CCDC60: variants seen among roughly 807,000 people sequenced by gnomAD.
CCDC60 encodes the protein coiled-coil domain-containing protein 60.
A neutral mutation model predicts 63.5 loss-of-function variants in CCDC60; 54 were observed. That is an observed-to-expected ratio of 0.85 (90% CI 0.68 to 1.07). CCDC60 has a LOEUF of 1.07. Ranked by LOEUF, CCDC60 falls within the 50% of genes least tolerant of loss-of-function variation. The probability of loss-of-function intolerance (pLI) is 0.00; values close to 1 mark genes in which losing one functional copy is unlikely to be tolerated. For missense variants in CCDC60, 651 were observed against 684.3 expected, an observed-to-expected ratio of 0.95 and a Z score of 0.54; for synonymous variants, 206 against 238.8, an observed-to-expected ratio of 0.86 and a Z score of 1.27.
At chr12:119,519,401 ATGTGTGTGTG>A (rs141127258) in intron 8 of CCDC60, among the ~76,000 whole-genome samples, 3,232 of 136,446 alleles carry the variant, frequency 0.024, 121 homozygotes, top group African/African-American at 0.082. Context: ...AGTGATATAT[ATGTGTGTGTG>A]TGTGTGTGTG....
intron 1 of CCDC60, among the ~76,000 whole-genome samples, chr12:119,379,139 C>A (rs2136183758): frequency 6.6e-6 from 1 of 152,350 alleles, no homozygotes; most frequent in East Asian, 1.9e-4. Flanking sequence ...CATGCCAGAC[C>A]TTTGCTAGGA....
chr12:119,390,071 G>A (rs528905794), intron 1 of CCDC60, among the ~76,000 whole-genome samples: 22 of 152,204 alleles, frequency 1.4e-4, no homozygotes, highest in African/African-American at 5.3e-4. Context: ...CTCTCCTAAG[G>A]GAGGAAGGGC....
At chr12:119,342,076 C>T (rs1955538048) in intron 1 of CCDC60, among the ~76,000 whole-genome samples, 1 of 152,160 alleles carries the variant, frequency 6.6e-6, no homozygotes, top group African/African-American at 2.4e-5. Flanking sequence ...ATTTATTTTT[C>T]TCATGTGAGA....
intron 3 of CCDC60, among the ~76,000 whole-genome samples, chr12:119,473,027 C>T (rs1385931268): frequency 6.6e-6 from 1 of 152,180 alleles, no homozygotes; most frequent in African/African-American, 2.4e-5. Context: ...TTAATGCACA[C>T]CTATTCGGCT....
intron 2 of CCDC60, among the ~76,000 whole-genome samples, chr12:119,463,099 C>T (rs1055987819): frequency 4.6e-5 from 7 of 152,216 alleles, no homozygotes; most frequent in Non-Finnish European, 1.0e-4. Flanking sequence ...GCTGGGATTA[C>T]AAGCATGAGC....
intron 11 of CCDC60, among the ~76,000 whole-genome samples, chr12:119,525,460 C>G: frequency 6.6e-6 from 1 of 152,098 alleles, no homozygotes; most frequent in African/African-American, 2.4e-5. Context: ...CAGCTGAAAC[C>G]CTGTAAGCCA....
chr12:119,538,126 C>T (rs1317941046), intron 13 of CCDC60, among the ~76,000 whole-genome samples: 2 of 152,218 alleles, frequency 1.3e-5, no homozygotes, highest in Non-Finnish European at 2.9e-5. Flanking sequence ...TCAGCAATGG[C>T]GGATGCCCCT....
At chr12:119,459,789 C>T (rs1950822469) in intron 2 of CCDC60, among the ~76,000 whole-genome samples, 1 of 152,186 alleles carries the variant, frequency 6.6e-6, no homozygotes, top group Non-Finnish European at 1.5e-5. Context: ...TTGGACCCAA[C>T]CAATTAGCAT....
chr12:119,493,436 T>C (rs753002164), intron 5 of CCDC60, among the ~76,000 whole-genome samples: 2 of 152,066 alleles, frequency 1.3e-5, no homozygotes, highest in Non-Finnish European at 2.9e-5. Flanking sequence ...TGCAGGATGA[T>C]CTCATATTTG....
At chr12:119,384,079 C>A (rs1355413480) in intron 1 of CCDC60, among the ~76,000 whole-genome samples, 2 of 152,048 alleles carry the variant, frequency 1.3e-5, no homozygotes, top group African/African-American at 4.8e-5. Flanking sequence ...GCCTATAGTT[C>A]CAACTACTTG....
intron 1 of CCDC60, among the ~76,000 whole-genome samples, chr12:119,393,648 CAG>C (rs1956200134): frequency 6.6e-6 from 1 of 152,176 alleles, no homozygotes; most frequent in Non-Finnish European, 1.5e-5. Context: ...GAGCAAGACA[CAG>C]GGAAAGCTTT....
At chr12:119,433,935 C>T (rs1209351403) in intron 2 of CCDC60, among the ~76,000 whole-genome samples, 1 of 152,204 alleles carries the variant, frequency 6.6e-6, no homozygotes, top group Admixed American at 6.5e-5. Context: ...GGTCTCTTTG[C>T]ATGTGCCCAG....
chr12:119,533,118 C>A (rs1015925937), intron 13 of CCDC60, among the ~76,000 whole-genome samples: 1 of 152,142 alleles, frequency 6.6e-6, no homozygotes, highest in Non-Finnish European at 1.5e-5. Context: ...TTCTAACTGG[C>A]ATGAGATGGT....
chr12:119,477,589 T>C (rs1394094157), intron 3 of CCDC60, among the ~76,000 whole-genome samples: 1 of 152,210 alleles, frequency 6.6e-6, no homozygotes, highest in Non-Finnish European at 1.5e-5. Flanking sequence ...TAGAAATGAA[T>C]GAATCAGGGA....
At chr12:119,358,271 A>G (rs945565446) in intron 1 of CCDC60, among the ~76,000 whole-genome samples, 5 of 152,180 alleles carry the variant, frequency 3.3e-5, no homozygotes, top group African/African-American at 1.2e-4. Flanking sequence ...TTCACTTGCT[A>G]TAATGACCTC....
At chr12:119,436,025 T>C (rs1041479924) in intron 2 of CCDC60, among the ~76,000 whole-genome samples, 1 of 152,232 alleles carries the variant, frequency 6.6e-6, no homozygotes, top group Non-Finnish European at 1.5e-5. Context: ...AATGAAAGTA[T>C]GTGAGATCTT....
At chr12:119,535,236 T>C (rs987607082) in intron 13 of CCDC60, among the ~76,000 whole-genome samples, 7 of 152,238 alleles carry the variant, frequency 4.6e-5, no homozygotes, top group Admixed American at 2.0e-4. Flanking sequence ...TGGTAGTTTG[T>C]ATTTCTGTGG....
intron 5 of CCDC60, among the ~76,000 whole-genome samples, chr12:119,498,709 C>A (rs920492685): frequency 1.3e-5 from 2 of 152,090 alleles, no homozygotes; most frequent in African/African-American, 4.8e-5. Flanking sequence ...ATATAAAATT[C>A]TTTCTGCAAA....
rs149106624 is a variant in CCDC60 at position 119,540,702 on chromosome 12, G to T, written c.1640G>T (p.Ser547Ile). ...SRINIPIGPY[S>I]ALR ...ATCAACATACCCATTGGGCCCTACA[G>T]CGCCCTGAGGTAGGCTGGGCCTGGG... The change falls in exon 14 of 14, where the codon AGC becomes ATC. Residue 547 changes from serine to isoleucine, a missense_variant. Physicochemically the swap from Ser to Ile is moderately radical, Grantham distance 142 (BLOSUM62 -2). Coordinates refer to ENST00000327554, the MANE Select transcript of CCDC60 (RefSeq NM_178499.5). The T allele has an allele frequency of 2.0e-5, 33 of 1,613,156 alleles. 1 individual carries two copies. Among genetic ancestry groups the T allele is most frequent in the Admixed American group, 5.0e-5 (3 of 60,012 alleles).
Sources: gnomAD v4.1 joint callset for allele counts (sites outside exome capture counted in the v4.1 genomes callset) on GRCh38, gnomAD v4.1.1 for gene constraint, MANE v1.5 for transcripts, NCBI Gene and HGNC (gene_info 2026-07-23, HGNC 2026-07-21) for gene names.